The following DHX33 variants were observed in gnomAD, a reference collection of about 807,000 sequenced individuals.
DHX33 encodes the protein DEAH-box helicase 33, also known as ATP-dependent RNA helicase DHX33.
A neutral mutation model predicts 72.5 loss-of-function variants in DHX33; 42 were observed. The ratio of observed to expected loss-of-function variants is 0.58; its 90% CI spans 0.45 to 0.75. The LOEUF (loss-of-function observed/expected upper bound fraction) is 0.75, where lower values mean the gene tolerates loss of function less well. Among genes scored for constraint, DHX33 ranks in the 30% least tolerant of loss-of-function variants. DHX33 has a pLI of 0.00. For synonymous variants in DHX33, 358 were observed against 366.1 expected (o/e 0.98, Z 0.25); for missense variants, 842 against 917.5 (o/e 0.92, Z 1.06).
At position 5,443,646 on chromosome 17, in the gene DHX33, A is replaced by G. The variant is rs542581720; in HGVS notation, c.*559T>C. On this transcript the variant is annotated 3_prime_UTR_variant, in exon 12 of 12. Transcript: ENST00000225296. ...TCTACAGAAGTCAGTTTTGTTTTCTATTTTAAAACTGCATTCAGAGAGACA... is the reference window on the plus strand; with the variant it reads ...TCTACAGAAGTCAGTTTTGTTTTCTGTTTTAAAACTGCATTCAGAGAGACA... 1 of 152,766 alleles carries G rather than the reference A, an allele frequency of 6.5e-6. No individual in the cohort carries two copies. The highest frequency in any genetic ancestry group is 2.1e-4 in the South Asian group (1 of 4,838). 9.5% of individuals were successfully genotyped at this position (152,766 alleles called of 1,614,324 possible).
At chr17:5,458,553 G>A (rs116602116) in intron 4 of DHX33, among the ~76,000 whole-genome samples, 2,749 of 152,146 alleles carry the variant, frequency 0.018, 85 homozygotes, top group African/African-American at 0.062. Flanking sequence ...TTCACGACCA[G>A]CCTGGGCAAC....
intron 1 of DHX33, among the ~76,000 whole-genome samples, chr17:5,467,187 TCTC>T (rs1447487767): frequency 6.6e-6 from 1 of 152,174 alleles, no homozygotes; most frequent in African/African-American, 2.4e-5. Context: ...TCCTGGGCCC[TCTC>T]CTAATAATAT....
At chr17:5,454,776 G>T (rs755358975) in intron 6 of DHX33, among the ~76,000 whole-genome samples, 3 of 152,210 alleles carry the variant, frequency 2.0e-5, no homozygotes, top group Non-Finnish European at 4.4e-5. Context: ...TCAGCCAGGA[G>T]ATCTGGTTCC....
intron 6 of DHX33, among the ~76,000 whole-genome samples, chr17:5,454,488 T>A (rs1319007274): frequency 1.3e-5 from 2 of 152,182 alleles, no homozygotes; most frequent in Non-Finnish European, 2.9e-5. Flanking sequence ...TAGCAGTAAA[T>A]GAGGTTCATT....
At chr17:5,445,918 C>A (rs1028707359) in intron 11 of DHX33, among the ~76,000 whole-genome samples, 6 of 152,150 alleles carry the variant, frequency 3.9e-5, no homozygotes, top group Admixed American at 2.0e-4. Flanking sequence ...TTTATTTTGT[C>A]CTTTATGATG....
rs578214357 is a variant in DHX33, at chr17:5,444,835, C to T, written c.1816-322G>A. Among the ~76,000 whole-genome samples the T allele has an allele frequency of 5.3e-5, 8 of 152,246 alleles. No individual in the cohort carries two copies. Among genetic ancestry groups the T allele is most frequent in the East Asian group, 1.9e-4 (1 of 5,166 alleles). ...TCACCTAAATTCCATCAGGACGGCC[C>T]GGAAAGGAAAGGCCCTTCCCTCTCG... On this transcript the variant is annotated intron_variant, in intron 11 of 11. Coordinates refer to ENST00000225296, the MANE Select transcript of DHX33 (RefSeq NM_020162.4). This position sits in a 1 kb window ranked among gnomAD's most constrained non-coding sequence, Gnocchi z 4.9.
chr17:5,454,702 G>A (rs987003308), intron 6 of DHX33, among the ~76,000 whole-genome samples: 39 of 152,196 alleles, frequency 2.6e-4, no homozygotes, highest in Non-Finnish European at 4.3e-4. Flanking sequence ...GAGTCAAGAT[G>A]ACCTTAAGTT....
At chr17:5,445,417 C>A (rs1045150050) in intron 11 of DHX33, among the ~76,000 whole-genome samples, 2 of 152,234 alleles carry the variant, frequency 1.3e-5, no homozygotes, top group African/African-American at 2.4e-5. Context: ...TCCCCCATAG[C>A]TGGCTGCCTT....
At position 5,450,088 on chromosome 17, in the gene DHX33, G is replaced by A; in HGVS notation, c.1728+115C>T. 9 of 1,278,196 alleles carry A rather than the reference G, an allele frequency of 7.0e-6. No individual in the cohort carries two copies. The South Asian group carries it at 1.2e-4, about 18-fold the overall frequency. The allele number at this position is 1,278,196 out of a possible 1,614,324, so 79.2% of individuals were successfully genotyped here. On this transcript the variant is annotated intron_variant, in intron 10 of 11. Transcript: ENST00000225296. ...CTGGCTTTCTTTTTGTGATTCTTTA[G>A]ATAATTTAGCCAAAAAGGGAAAGCG...
At chr17:5,457,724 G>C (rs1904388690) in intron 4 of DHX33, among the ~76,000 whole-genome samples, 1 of 150,224 alleles carries the variant, frequency 6.7e-6, no homozygotes, top group Non-Finnish European at 1.5e-5. Flanking sequence ...TTTTTTTTCA[G>C]CCCAGTATTA....
chr17:5,448,697 T>G, intron 11 of DHX33, 112 bp downstream of exon 11: 1 of 695,260 alleles, frequency 1.4e-6, no homozygotes, highest in Non-Finnish European at 2.2e-6. Flanking sequence ...TTTGTGAAAT[T>G]TGCTACAATG....
At position 5,448,792 on chromosome 17, in the gene DHX33, C is replaced by G; in HGVS notation, c.1815+17G>C. 6.3e-7 allele frequency: 1 copy of G among 1,580,710 alleles called. No homozygotes were observed. ...TGACAGCTTTGTCACCCACAGAACACTAGGACCAGACGATACCTTTAAGCA... is the reference window on the plus strand; with the variant it reads ...TGACAGCTTTGTCACCCACAGAACAGTAGGACCAGACGATACCTTTAAGCA... On this transcript the variant is annotated intron_variant, in intron 11 of 11. Coordinates refer to ENST00000225296, the MANE Select transcript of DHX33 (RefSeq NM_020162.4).
At chr17:5,457,072 C>T (rs1211612913) in intron 4 of DHX33, among the ~76,000 whole-genome samples, 1 of 151,930 alleles carries the variant, frequency 6.6e-6, no homozygotes, top group Admixed American at 6.6e-5. Context: ...TTTGGGAGGC[C>T]GAGGCGGCCA....
intron 4 of DHX33, among the ~76,000 whole-genome samples, chr17:5,460,054 A>G (rs1402676224): frequency 6.9e-6 from 1 of 144,152 alleles, no homozygotes; most frequent in Non-Finnish European, 1.5e-5. Context: ...TCGCCCTGTC[A>G]CCCAGGCTGG....
At chr17:5,459,663 A>C (rs897698801) in intron 4 of DHX33, among the ~76,000 whole-genome samples, 3 of 152,122 alleles carry the variant, frequency 2.0e-5, no homozygotes, top group African/African-American at 7.2e-5. Context: ...TCCTGAGCTC[A>C]AGCAATCCTA....
Position 5,456,131 on chromosome 17 carries a change from T to C in DHX33, c.901A>G (p.Ile301Val), listed in dbSNP as rs142326118. 6.2e-7 allele frequency: 1 copy of C among 1,614,048 alleles called. No individual in the cohort carries two copies. The highest frequency in any genetic ancestry group is 1.3e-5 in the African/African-American group (1 of 75,006). Residue 301 changes from isoleucine (I) to valine (V), a missense_variant, in exon 5 of 12, where the codon ATC (isoleucine) becomes GTC (valine). By Grantham distance (29) the Ile-to-Val change is conservative. Coordinates refer to ENST00000225296, the MANE Select transcript of DHX33 (RefSeq NM_020162.4). ...CGGCACGTCTTGCTCATGGCTTCGA[T>C]CTCCTCCTGCCCAGTGAGGAACACC... ...ILVFLTGQEE[I>V]EAMSKTCRDI...
At chr17:5,468,286 A>T (rs569643424) in intron 1 of DHX33, among the ~76,000 whole-genome samples, 2 of 152,138 alleles carry the variant, frequency 1.3e-5, no homozygotes, top group African/African-American at 2.4e-5. Context: ...ACCGGGTCAG[A>T]TCCACTCTTC....
In DHX33 at chr17:5,444,141, C is replaced by A; in HGVS notation, c.*64G>T. On this transcript the variant is annotated 3_prime_UTR_variant, in exon 12 of 12. Coordinates refer to ENST00000225296, the MANE Select transcript of DHX33 (RefSeq NM_020162.4). This position sits in a 1 kb window ranked among gnomAD's most constrained non-coding sequence, Gnocchi z 4.9. ...CTCTAAGCGCCAACCTGGAAGCCTGCTGTAAGGACAACTGTAGTCCAAGCT... is the reference window on the plus strand; with the variant it reads ...CTCTAAGCGCCAACCTGGAAGCCTGATGTAAGGACAACTGTAGTCCAAGCT... 6.5e-7 allele frequency: 1 copy of A among 1,544,992 alleles called. No homozygotes were observed. Among genetic ancestry groups the A allele is most frequent in the Admixed American group, 1.9e-5 (1 of 53,350 alleles).
rs773926817 is a variant in DHX33, at chr17:5,448,911, A to T, written c.1729-16T>A. Reference sequence around the variant, plus strand: ...TGCACCAATCCTGAATAGGAGAAAGAGTGATATCACAATCCACTCATTCAC... The same window carrying T: ...TGCACCAATCCTGAATAGGAGAAAGTGTGATATCACAATCCACTCATTCAC... On this transcript the variant is annotated splice_polypyrimidine_tract_variant and intron_variant, in intron 10 of 11. Transcript: ENST00000225296. 1 of 1,597,932 alleles carries T rather than the reference A, an allele frequency of 6.3e-7. No individual in the cohort carries two copies. Among genetic ancestry groups the T allele is most frequent in the Non-Finnish European group, 8.6e-7 (1 of 1,166,158 alleles).
Sources: gnomAD v4.1 joint callset for allele counts (sites outside exome capture counted in the v4.1 genomes callset) on GRCh38, gnomAD v4.1.1 for gene constraint, Gnocchi (gnomAD v3.1) non-coding constraint, MANE v1.5 for transcripts, NCBI Gene and HGNC (gene_info 2026-07-23, HGNC 2026-07-21) for gene names.